The following ELAPOR2 variants were observed in gnomAD, a reference collection of about 807,000 sequenced individuals.
ELAPOR2 encodes the protein endosome/lysosome-associated apoptosis and autophagy regulator family member 2.
A neutral mutation model predicts 120.7 loss-of-function variants in ELAPOR2; 89 were observed. The observed-to-expected ratio is 0.74, with a 90% CI of 0.62 to 0.88. The LOEUF (loss-of-function observed/expected upper bound fraction) is 0.88. Ranked by LOEUF, ELAPOR2 falls within the 40% of genes least tolerant of loss-of-function variation. The pLI is 0.00. For synonymous variants in ELAPOR2, 444 were observed against 444.9 expected (o/e 1.00, Z 0.03); for missense variants, 1,134 against 1,251.6 (o/e 0.91, Z 1.42).
intron 21 of ELAPOR2, among the ~76,000 whole-genome samples, chr7:86,881,851 C>G (rs1799423161): frequency 6.6e-6 from 1 of 152,128 alleles, no homozygotes. Flanking sequence ...CAATCAGTCT[C>G]ACATGCAAAT....
At chr7:86,975,567 C>T (rs369883602) in intron 1 of ELAPOR2, among the ~76,000 whole-genome samples, 1 of 152,184 alleles carries the variant, frequency 6.6e-6, no homozygotes, top group East Asian at 1.9e-4. Context: ...GTCTGCCTGG[C>T]ATGGCTTTCC....
rs148842109 is a variant in ELAPOR2, at chr7:87,058,774, C to A, written c.189+551G>T. Reference sequence around the variant, plus strand: ...TTTTTTTTCCCCCCCAAATTCAAATCCACATTTTGTCAGAAGGATGCTAAG... The same window carrying A: ...TTTTTTTTCCCCCCCAAATTCAAATACACATTTTGTCAGAAGGATGCTAAG... On this transcript the variant is annotated intron_variant, in intron 1 of 21. Transcript: ENST00000450689. 2.0e-3 allele frequency among the ~76,000 whole-genome samples: 308 copies of A among 152,218 alleles called. 2 individuals carry two copies. Among genetic ancestry groups the A allele is most frequent in the African/African-American group, 7.2e-3 (300 of 41,516 alleles).
At chr7:86,948,987 A>G (rs1204365416) in intron 2 of ELAPOR2, among the ~76,000 whole-genome samples, 2 of 152,322 alleles carry the variant, frequency 1.3e-5, no homozygotes, top group East Asian at 3.9e-4. Flanking sequence ...AGAATACATT[A>G]GAAAACTTAG....
chr7:87,059,389 C>T lies in ELAPOR2; in HGVS notation c.125G>A (p.Cys42Tyr). ...AWICCWALAG[C>Y]QAAWAGDLPS... ...CAGGTCCCCAGCCCAGGCCGCCTGGCAGCCGGCGAGCGCCCAGCAGCAAAT... is the reference window on the plus strand; with the variant it reads ...CAGGTCCCCAGCCCAGGCCGCCTGGTAGCCGGCGAGCGCCCAGCAGCAAAT... The change falls in exon 1 of 22, where the codon TGC (cysteine) becomes TAC (tyrosine). Residue 42 changes from cysteine to tyrosine, a missense_variant. By Grantham distance (194) the Cys-to-Tyr change is radical. Transcript: ENST00000450689. The T allele has an allele frequency of 3.2e-6, 4 of 1,244,224 alleles. No individual in the cohort carries two copies. The highest frequency in any genetic ancestry group is 4.0e-6 in the Non-Finnish European group (4 of 988,034). 77.1% of individuals were successfully genotyped at this position (1,244,224 alleles called of 1,614,324 possible).
At chr7:87,037,625 C>G (rs1794630653) in intron 1 of ELAPOR2, among the ~76,000 whole-genome samples, 1 of 152,124 alleles carries the variant, frequency 6.6e-6, no homozygotes, top group Non-Finnish European at 1.5e-5. Flanking sequence ...AATGTGATTT[C>G]CCTTTTATGT....
chr7:86,990,039 A>T (rs1342896703), intron 1 of ELAPOR2, among the ~76,000 whole-genome samples: 1 of 147,810 alleles, frequency 6.8e-6, no homozygotes, highest in Non-Finnish European at 1.5e-5. Flanking sequence ...TTCTGCTCTT[A>T]TTTTTTTTTT....
At chr7:86,897,384 A>G in intron 19 of ELAPOR2, 122 bp downstream of exon 19, 1 of 1,204,060 alleles carries the variant, frequency 8.3e-7, no homozygotes, top group Non-Finnish European at 1.2e-6. Flanking sequence ...TTAAATGCCT[A>G]CCAATGTAAC....
chr7:86,904,655 C>T (rs145629271), intron 18 of ELAPOR2, among the ~76,000 whole-genome samples: 205 of 152,266 alleles, frequency 1.3e-3, no homozygotes, highest in African/African-American at 4.6e-3. Context: ...GAGAAGGCAG[C>T]CCAGATAATT....
intron 2 of ELAPOR2, among the ~76,000 whole-genome samples, chr7:86,957,954 A>G (rs1372779281): frequency 1.3e-5 from 2 of 152,180 alleles, no homozygotes; most frequent in East Asian, 3.8e-4. Flanking sequence ...GACCCACAAA[A>G]CAACATATCT....
intron 1 of ELAPOR2, 68 bp from the exon 2 acceptor site, chr7:86,965,092 T>C (rs1583917687): frequency 2.0e-6 from 3 of 1,515,184 alleles, no homozygotes; most frequent in East Asian, 4.9e-5. Flanking sequence ...GCTTTCTCTA[T>C]CACCCCAAGC....
intron 1 of ELAPOR2, among the ~76,000 whole-genome samples, chr7:86,991,414 C>A (rs111479069): frequency 6.6e-6 from 1 of 152,058 alleles, no homozygotes; most frequent in Non-Finnish European, 1.5e-5. Flanking sequence ...CAACATTGTT[C>A]TCTTTCCAGT....
intron 10 of ELAPOR2, among the ~76,000 whole-genome samples, chr7:86,921,778 C>T (rs570978583): frequency 5.3e-4 from 80 of 152,108 alleles, no homozygotes; most frequent in African/African-American, 1.8e-3. Flanking sequence ...GAAAGACACA[C>T]GCAGGGTAAT....
At chr7:87,040,193 G>A (rs1479674374) in intron 1 of ELAPOR2, among the ~76,000 whole-genome samples, 2 of 152,240 alleles carry the variant, frequency 1.3e-5, no homozygotes, top group Admixed American at 6.5e-5. Flanking sequence ...GAGGCTGGGG[G>A]AGAGGCGCCC....
At chr7:86,945,941 T>C (rs1398769494) in intron 3 of ELAPOR2, among the ~76,000 whole-genome samples, 1 of 152,070 alleles carries the variant, frequency 6.6e-6, no homozygotes, top group Non-Finnish European at 1.5e-5. Flanking sequence ...GCACATACTA[T>C]ATATTTATTA....
At position 87,036,626 on chromosome 7, in the gene ELAPOR2, T is replaced by A. The variant is rs536379183; in HGVS notation, c.189+22699A>T. The stretch of plus-strand genomic sequence containing the variant: ...CATAAAAAACAACAAAATCATGTAT[T>A]TTGCATAAACATGGATGTAGCTGGA... On this transcript the variant is annotated intron_variant, in intron 1 of 21. Transcript: ENST00000450689. Among the ~76,000 whole-genome samples the A allele has an allele frequency of 9.8e-5, 15 of 152,288 alleles. No individual in the cohort carries two copies. In the South Asian group the frequency reaches 2.9e-3, roughly 29 times the overall value.
intron 1 of ELAPOR2, among the ~76,000 whole-genome samples, chr7:86,976,233 C>A (rs2116531084): frequency 6.6e-6 from 1 of 152,244 alleles, no homozygotes; most frequent in Non-Finnish European, 1.5e-5. Flanking sequence ...TATTCTTTTT[C>A]TTCCTTCCTT....
chr7:86,910,469 C>A (rs905825935), intron 15 of ELAPOR2, among the ~76,000 whole-genome samples: 4 of 152,044 alleles, frequency 2.6e-5, no homozygotes, highest in Non-Finnish European at 4.4e-5. Flanking sequence ...GAAGAAAGCA[C>A]AAAAGTCATA....
chr7:86,964,765 G>T, intron 2 of ELAPOR2, 139 bp downstream of exon 2: 2 of 764,250 alleles, frequency 2.6e-6, no homozygotes, highest in Non-Finnish European at 4.2e-6. Flanking sequence ...GAGAAAGGCT[G>T]CATTTATTCT....
intron 2 of ELAPOR2, among the ~76,000 whole-genome samples, chr7:86,955,942 A>T (rs1791451488): frequency 6.6e-6 from 1 of 151,356 alleles, no homozygotes; most frequent in African/African-American, 2.4e-5. Context: ...GCATTAGAAA[A>T]GAACTCTGCA....
Sources: allele counts gnomAD v4.1 joint callset (sites outside exome capture counted in the v4.1 genomes callset), GRCh38; gene constraint gnomAD v4.1.1; transcripts MANE v1.5; gene names NCBI Gene and HGNC (gene_info 2026-07-23, HGNC 2026-07-21).